STX11: variants seen among roughly 807,000 people sequenced by gnomAD.
STX11 encodes syntaxin 11.
STX11 carries 21 observed loss-of-function variants against 19.9 expected under a neutral mutation model. That is an observed-to-expected ratio of 1.06 (90% confidence interval 0.75 to 1.52). STX11 has a LOEUF of 1.52. Among genes scored for constraint, STX11 ranks in the 40% most tolerant of loss-of-function variants. The probability of loss-of-function intolerance (pLI) is 0.00; values close to 1 mark genes in which losing one functional copy is unlikely to be tolerated. For synonymous variants in STX11, 193 were observed against 174.4 expected, an observed-to-expected ratio of 1.11 and a Z score of -0.84; for missense variants, 438 against 405.9, an observed-to-expected ratio of 1.08 and a Z score of -0.68.
In STX11 at chr6:144,187,270, C is replaced by G. The variant is rs1802079757; in HGVS notation, c.643C>G (p.Leu215Val). The G allele has an allele frequency of 1.2e-6, 2 of 1,613,444 alleles. No individual in the cohort carries two copies. Among genetic ancestry groups the G allele is most frequent in the Non-Finnish European group, 1.7e-6 (2 of 1,179,972 alleles). The change falls in exon 2 of 2, where the codon CTG (leucine) becomes GTG (valine). Residue 215 changes from leucine to valine, a missense_variant. By Grantham distance (32) the Leu-to-Val change is conservative. Coordinates refer to ENST00000367568, the MANE Select transcript of STX11 (RefSeq NM_003764.4). This position sits in a 1 kb window ranked among gnomAD's most constrained non-coding sequence, Gnocchi z 5.6. The part of the protein sequence containing the change: ...NEIESRHREL[L>V]RLESRIRDVH... ...GATCGAGAGCCGCCACCGCGAACTGCTGCGCCTGGAGAGCCGCATCCGCGA... is the reference window on the plus strand; with the variant it reads ...GATCGAGAGCCGCCACCGCGAACTGGTGCGCCTGGAGAGCCGCATCCGCGA...
Position 144,174,671 on chromosome 6 carries a change from GT to G in STX11, c.-5-11944del, listed in dbSNP as rs879549589. Among the ~76,000 whole-genome samples the G allele has an allele frequency of 6.6e-6, 1 of 151,986 alleles. No individual in the cohort carries two copies. The highest frequency in any genetic ancestry group is 2.4e-5 in the African/African-American group (1 of 41,360). ...TGAGTCCCTGTGCCTGGCCAGAAAA[GT>G]TTTTTTTGCACCCTTTCACAAAGAG... is the stretch of plus-strand genomic sequence containing the variant. On this transcript the variant is annotated intron_variant, in intron 1 of 1. Coordinates refer to ENST00000367568, the MANE Select transcript of STX11 (RefSeq NM_003764.4). This position sits in a 1 kb window ranked among gnomAD's most constrained non-coding sequence, Gnocchi z 5.3.
In STX11 at chr6:144,154,788, T is replaced by A. The variant is rs1801091868; in HGVS notation, c.-6+4085T>A. On this transcript the variant is annotated intron_variant, in intron 1 of 1. Transcript: ENST00000367568. The surrounding 1 kb of genome is among the most constrained non-coding windows in gnomAD (Gnocchi z 4.7). Reference sequence around the variant, plus strand: ...CTCTAACTTCCAGAATTTTATTAAGTGAGTCTGGTCCTGCTGTGTCTCCTG... The same window carrying A: ...CTCTAACTTCCAGAATTTTATTAAGAGAGTCTGGTCCTGCTGTGTCTCCTG... Among the ~76,000 whole-genome samples the A allele has an allele frequency of 6.6e-6, 1 of 151,524 alleles. No individual in the cohort carries two copies. The highest frequency in any genetic ancestry group is 2.1e-4 in the South Asian group (1 of 4,832).
At position 144,187,012 on chromosome 6, in the gene STX11, C is replaced by T. The variant is rs369572255; in HGVS notation, c.385C>T (p.Arg129Trp). Reference protein sequence around the residue: ...GPHSAVARISRAQYNALTLTF... With the variant: ...GPHSAVARISWAQYNALTLTF... Reference sequence around the variant, plus strand: ...GCACTCGGCAGTGGCGCGCATTTCGCGGGCGCAGTACAACGCGCTCACCCT... The same window carrying T: ...GCACTCGGCAGTGGCGCGCATTTCGTGGGCGCAGTACAACGCGCTCACCCT... Residue 129 changes from arginine to tryptophan, a missense_variant, in exon 2 of 2, where the codon CGG (arginine) becomes TGG (tryptophan). Physicochemically the swap from Arg to Trp is moderately radical, Grantham distance 101. Coordinates refer to ENST00000367568, the MANE Select transcript of STX11 (RefSeq NM_003764.4). This position sits in a 1 kb window ranked among gnomAD's most constrained non-coding sequence, Gnocchi z 5.6. The T allele has an allele frequency of 9.9e-6, 16 of 1,611,112 alleles. No individual in the cohort carries two copies. The African/African-American group carries it at 1.3e-4, about 13-fold the overall frequency.
Position 144,151,301 on chromosome 6 carries a change from T to C in STX11, c.-6+598T>C. ...GCCGTCCTGAGAGGGAATTCTGCCTTTTTCTAGACTCCGCTGACACCAGCT... is the reference window on the plus strand; with the variant it reads ...GCCGTCCTGAGAGGGAATTCTGCCTCTTTCTAGACTCCGCTGACACCAGCT... On this transcript the variant is annotated intron_variant, in intron 1 of 1. Coordinates refer to ENST00000367568, the MANE Select transcript of STX11 (RefSeq NM_003764.4). This position sits in a 1 kb window ranked among gnomAD's most constrained non-coding sequence, Gnocchi z 4.6. 1.0e-6 allele frequency: 1 copy of C among 985,422 alleles called. No individual in the cohort carries two copies. Among genetic ancestry groups the C allele is most frequent in the Non-Finnish European group, 1.2e-6 (1 of 829,928 alleles). 61.0% of individuals were successfully genotyped at this position (985,422 alleles called of 1,614,324 possible).
chr6:144,170,932 C>T lies in STX11; in HGVS notation c.-5-15691C>T, dbSNP rs1801613195. Reference sequence around the variant, plus strand: ...CTTTACATGGCTTACCTCATTTAATCCCCTCTACTATCCTATGAGGTAATT... The same window carrying T: ...CTTTACATGGCTTACCTCATTTAATTCCCTCTACTATCCTATGAGGTAATT... On this transcript the variant is annotated intron_variant, in intron 1 of 1. Coordinates refer to ENST00000367568, the MANE Select transcript of STX11 (RefSeq NM_003764.4). The surrounding 1 kb of genome is among the most constrained non-coding windows in gnomAD (Gnocchi z 4.7). 6.6e-6 allele frequency among the ~76,000 whole-genome samples: 1 copy of T among 152,184 alleles called. No homozygotes were observed. The highest frequency in any genetic ancestry group is 1.5e-5 in the Non-Finnish European group (1 of 68,040).
chr6:144,189,859 A>AG lies in STX11; in HGVS notation c.*2372dup, dbSNP rs1438967064. On this transcript the variant is annotated 3_prime_UTR_variant, in exon 2 of 2. Coordinates refer to ENST00000367568, the MANE Select transcript of STX11 (RefSeq NM_003764.4). ...ACTTAATTTGCTTTCTCTAAGGGAA[A>AG]GGGGAAAAAATGTTCACATAGCTCC... 1.3e-5 allele frequency among the ~76,000 whole-genome samples: 2 copies of AG among 152,218 alleles called. No homozygotes were observed. Among genetic ancestry groups the AG allele is most frequent in the South Asian group, 2.1e-4 (1 of 4,830 alleles).
chr6:144,187,530 G>A lies in STX11; in HGVS notation c.*39G>A, dbSNP rs1802094182. On this transcript the variant is annotated 3_prime_UTR_variant, in exon 2 of 2. Coordinates refer to ENST00000367568, the MANE Select transcript of STX11 (RefSeq NM_003764.4). This position sits in a 1 kb window ranked among gnomAD's most constrained non-coding sequence, Gnocchi z 5.6. ...GCCGCCACCGCCCATCCCAGACCAT[G>A]GAGCGCGCTGGGAAGGACGCACCAA... 4 of 1,611,172 alleles carry A rather than the reference G, an allele frequency of 2.5e-6. No individual in the cohort carries two copies. Among genetic ancestry groups the A allele is most frequent in the Non-Finnish European group, 3.4e-6 (4 of 1,179,758 alleles).
rs986135012 is a variant in STX11, at chr6:144,190,778, T to A, written c.*3287T>A. 2.0e-5 allele frequency among the ~76,000 whole-genome samples: 3 copies of A among 151,794 alleles called. No individual in the cohort carries two copies. The highest frequency in any genetic ancestry group is 7.3e-5 in the African/African-American group (3 of 41,258). On this transcript the variant is annotated 3_prime_UTR_variant, in exon 2 of 2. Transcript: ENST00000367568. The stretch of plus-strand genomic sequence containing the variant: ...GTGAGTCAGAAAGTCCTGGAAGGAG[T>A]TGTAGGAAGTTGTAGAGGCTGGGTC...
chr6:144,185,075 G>A (rs1313518685), intron 1 of STX11, among the ~76,000 whole-genome samples: 2 of 152,124 alleles, frequency 1.3e-5, no homozygotes, highest in African/African-American at 2.4e-5. Context: ...AGAAGGTCTG[G>A]TATTGATTAT....
Position 144,187,491 on chromosome 6 carries a change from G to A in STX11, c.864G>A (p.Ter288=). The A allele has an allele frequency of 6.2e-7, 1 of 1,612,008 alleles. No individual in the cohort carries two copies. Among genetic ancestry groups the A allele is most frequent in the East Asian group, 2.2e-5 (1 of 44,856 alleles). The change falls in exon 2 of 2, where the codon TAG becomes TAA. Residue 288 remains the stop codon, a stop_retained_variant. Coordinates refer to ENST00000367568, the MANE Select transcript of STX11 (RefSeq NM_003764.4). This position sits in a 1 kb window ranked among gnomAD's most constrained non-coding sequence, Gnocchi z 5.6. ...GCTTCTGCTGTCCCTGCCTCAAGTA[G>A]CAGGCCGGCCCGGGCCGCCACCGCC... ...LCCFCCPCLK[*]
At chr6:144,140,718 G>A in the STX11 span, 245 of 984,380 alleles carry the variant, frequency 2.5e-4, no homozygotes, top group Non-Finnish European at 2.9e-4. Context: ...AGTGCCAAAG[G>A]GAAAAGTAAG....
Position 144,175,615 on chromosome 6 carries a change from A to G in STX11, c.-5-11008A>G, listed in dbSNP as rs1356610788. On this transcript the variant is annotated intron_variant, in intron 1 of 1. Coordinates refer to ENST00000367568, the MANE Select transcript of STX11 (RefSeq NM_003764.4). The surrounding 1 kb of genome is among the most constrained non-coding windows in gnomAD (Gnocchi z 5.1). Reference sequence around the variant, plus strand: ...AGCCACCGCGCCCAGCCTTAATAACACTCTTTTAATCATTATTTGTATGTG... The same window carrying G: ...AGCCACCGCGCCCAGCCTTAATAACGCTCTTTTAATCATTATTTGTATGTG... Among the ~76,000 whole-genome samples the G allele has an allele frequency of 1.3e-5, 2 of 151,756 alleles. No individual in the cohort carries two copies. The highest frequency in any genetic ancestry group is 6.6e-5 in the Admixed American group (1 of 15,246).
rs986213930 is a variant in STX11, at chr6:144,153,285, A to G, written c.-6+2582A>G. On this transcript the variant is annotated intron_variant, in intron 1 of 1. Coordinates refer to ENST00000367568, the MANE Select transcript of STX11 (RefSeq NM_003764.4). This position sits in a 1 kb window ranked among gnomAD's most constrained non-coding sequence, Gnocchi z 5.0. ...GGTCGAGTTTGTCATTCAGCATTGT[A>G]CTCCCTGAACTTGGCCCAGGCTTGT... 2.6e-5 allele frequency among the ~76,000 whole-genome samples: 4 copies of G among 152,164 alleles called. No homozygotes were observed. Among genetic ancestry groups the G allele is most frequent in the Non-Finnish European group, 5.9e-5 (4 of 68,028 alleles).
At chr6:144,168,704 TG>T (rs968187469) in intron 1 of STX11, among the ~76,000 whole-genome samples, 1 of 152,240 alleles carries the variant, frequency 6.6e-6, no homozygotes, top group African/African-American at 2.4e-5. Flanking sequence ...TTTAGTCATG[TG>T]TTCTAAACAT....
upstream of STX11, among the ~76,000 whole-genome samples, chr6:144,147,101 T>C (rs1800888624): frequency 6.6e-6 from 1 of 152,020 alleles, no homozygotes; most frequent in Non-Finnish European, 1.5e-5. The surrounding 1 kb of genome is among the most constrained non-coding windows in gnomAD (Gnocchi z 4.2). Flanking sequence ...CTCCCCCATA[T>C]CATCCCTCTT....
At position 144,160,177 on chromosome 6, in the gene STX11, A is replaced by AT. The variant is rs1160417645; in HGVS notation, c.-6+9481dup. On this transcript the variant is annotated intron_variant, in intron 1 of 1. Coordinates refer to ENST00000367568, the MANE Select transcript of STX11 (RefSeq NM_003764.4). The surrounding 1 kb of genome is among the most constrained non-coding windows in gnomAD (Gnocchi z 4.3). ...ACCACCACACCCAGCTAATTTTTGTATTTTTTTAGTAGAGACGGGGTTTCA... is the reference window on the plus strand; with the variant it reads ...ACCACCACACCCAGCTAATTTTTGTATTTTTTTTAGTAGAGACGGGGTTTCA... Among the ~76,000 whole-genome samples the AT allele has an allele frequency of 4.6e-5, 7 of 151,840 alleles. No homozygotes were observed. Among genetic ancestry groups the AT allele is most frequent in the Admixed American group, 6.6e-5 (1 of 15,236 alleles).
chr6:144,161,871 C>A (rs1321092574), intron 1 of STX11, among the ~76,000 whole-genome samples: 1 of 152,108 alleles, frequency 6.6e-6, no homozygotes, highest in African/African-American at 2.4e-5. Context: ...CCTCTAAGCT[C>A]CTTATCTTTA....
Position 144,183,890 on chromosome 6 carries a change from C to T in STX11, c.-5-2733C>T, listed in dbSNP as rs1429752469. Among the ~76,000 whole-genome samples the T allele has an allele frequency of 2.0e-5, 3 of 152,138 alleles. No homozygotes were observed. Among genetic ancestry groups the T allele is most frequent in the Non-Finnish European group, 4.4e-5 (3 of 68,024 alleles). On this transcript the variant is annotated intron_variant, in intron 1 of 1. Transcript: ENST00000367568. The surrounding 1 kb of genome is among the most constrained non-coding windows in gnomAD (Gnocchi z 4.6). ...CCCTAATGCTCTCCCCTCCCCCGCA[C>T]TTCCCCGACAGGCCCCACTGTGCAT...
At chr6:144,143,105 T>C in the STX11 span, among the ~76,000 whole-genome samples, 207 of 152,224 alleles carry the variant, frequency 1.4e-3, 2 homozygotes, top group South Asian at 2.3e-3. Flanking sequence ...CTACATTTTA[T>C]GTAGAAAAGC....
Sources: gnomAD v4.1 joint callset for allele counts (sites outside exome capture counted in the v4.1 genomes callset) on GRCh38, gnomAD v4.1.1 for gene constraint, Gnocchi (gnomAD v3.1) non-coding constraint, MANE v1.5 for transcripts, NCBI Gene and HGNC (gene_info 2026-07-23, HGNC 2026-07-21) for gene names.